SMTN: variants seen among roughly 807,000 people sequenced by gnomAD.
The protein encoded by SMTN is smoothelin.
Under a neutral mutation model 102.0 loss-of-function variants are expected in SMTN, and 58 were observed. The ratio of observed to expected loss-of-function variants is 0.57; its 90% CI spans 0.46 to 0.71. SMTN has a LOEUF of 0.71. Among genes scored for constraint, SMTN ranks in the 30% least tolerant of loss-of-function variants. The pLI, the probability that SMTN is intolerant of heterozygous loss-of-function variation, is 0.00. For synonymous variants in SMTN, 478 were observed against 497.9 expected (o/e 0.96, Z 0.53); for missense variants, 1,185 against 1,241.7 (o/e 0.95, Z 0.69).
Position 31,104,382 on chromosome 22 carries a change from C to G in SMTN, c.*87C>G. 2 of 1,614,158 alleles carry G rather than the reference C, an allele frequency of 1.2e-6. No homozygotes were observed. Among genetic ancestry groups the G allele is most frequent in the Non-Finnish European group, 1.7e-6 (2 of 1,179,998 alleles). On this transcript the variant is annotated 3_prime_UTR_variant, in exon 21 of 21. Coordinates refer to ENST00000333137, the MANE Select transcript of SMTN (RefSeq NM_134269.3). ...TGATGATCATGGGCAAGAAGCCTGA[C>G]CCCAAGTGTGTCTTCACCTATGTGC...
At chr22:31,087,674 T>C (rs2042796754) in intron 2 of SMTN, among the ~76,000 whole-genome samples, 1 of 152,080 alleles carries the variant, frequency 6.6e-6, no homozygotes, top group Non-Finnish European at 1.5e-5. Context: ...GGAATCGAGT[T>C]GTAGAAAGGA....
At chr22:31,082,747 A>G (rs1304898422) in intron 1 of SMTN, 4 of 937,712 alleles carry the variant, frequency 4.3e-6, no homozygotes, top group Non-Finnish European at 6.4e-6. Context: ...CACAGCCAGA[A>G]GCTGAGCCTG....
At chr22:31,083,983 T>C (rs2042485939) in intron 2 of SMTN, among the ~76,000 whole-genome samples, 1 of 152,206 alleles carries the variant, frequency 6.6e-6, no homozygotes, top group African/African-American at 2.4e-5. Context: ...TCAGTTCCTC[T>C]ACCTGTAAAA....
rs59040826 is a variant in SMTN at position 31,073,011 on chromosome 22, C to CTTTTTTTTTTTTT, written c.-385-7430_-385-7418dup. 4.7e-5 allele frequency among the ~76,000 whole-genome samples: 4 copies of CTTTTTTTTTTTTT among 85,684 alleles called. 1 individual carries two copies. Among genetic ancestry groups the CTTTTTTTTTTTTT allele is most frequent in the African/African-American group, 1.5e-4 (3 of 19,598 alleles). 56.2% of individuals were successfully genotyped at this position (85,684 alleles called of 152,430 possible). A position where few individuals can be genotyped will look rare whatever the true frequency, so the allele number is the denominator to read the frequency against. On this transcript the variant is annotated intron_variant, in intron 1 of 3. Transcript: ENST00000422839. ...GCTGAAGTTGATTCTCTCTCTCTCT[C>CTTTTTTTTTTTTT]TTTTTTTTTTTTTTTTTTTTTGAGA...
At chr22:31,068,239 G>A (rs1016442605) in intron 1 of SMTN, 3 of 152,062 alleles carry the variant, frequency 2.0e-5, no homozygotes, top group Admixed American at 6.6e-5. Flanking sequence ...GGGAGGCGGA[G>A]ATTGCAGTCA....
chr22:31,096,125 A>C, intron 13 of SMTN: 1 of 172,470 alleles, frequency 5.8e-6, no homozygotes, highest in Non-Finnish European at 1.2e-5. Flanking sequence ...ACTCTCAATT[A>C]CTCCTCTGAA....
intron 1 of SMTN, among the ~76,000 whole-genome samples, chr22:31,081,795 G>A (rs919475919): frequency 1.3e-5 from 2 of 152,168 alleles, no homozygotes; most frequent in Non-Finnish European, 2.9e-5. Context: ...TAATCCCATG[G>A]GTGTCCTAGA....
At chr22:31,065,317 T>C (rs1052779910) in intron 1 of SMTN, 11 of 152,212 alleles carry the variant, frequency 7.2e-5, no homozygotes, top group Admixed American at 4.6e-4. Flanking sequence ...AATAAGACCA[T>C]GCAAAAATGT....
In SMTN at chr22:31,096,866, T is replaced by G. The variant is rs1431684203; in HGVS notation, c.1995T>G (p.Thr665=). 5.7e-6 allele frequency: 9 copies of G among 1,581,986 alleles called. No homozygotes were observed. The highest frequency in any genetic ancestry group is 7.7e-6 in the Non-Finnish European group (9 of 1,161,452). The change falls in exon 14 of 21, where the codon ACT becomes ACG. Residue 665 remains threonine (T), a synonymous_variant. Coordinates refer to ENST00000333137, the MANE Select transcript of SMTN (RefSeq NM_134269.3). ...CAGCTGATGGCTCTGCTGTCAGCAC[T>G]GTTACCAAGACTGAGCGGCTCGTCC... ...QRAADGSAVS[T]VTKTERLVHS...
intron 1 of SMTN, among the ~76,000 whole-genome samples, chr22:31,069,583 AG>A (rs1241432454): frequency 1.3e-5 from 2 of 152,218 alleles, no homozygotes. Flanking sequence ...GAACGCCTAG[AG>A]GTAGGGACGA....
At chr22:31,074,451 G>A (rs9621178) in intron 1 of SMTN, among the ~76,000 whole-genome samples, 48,119 of 151,740 alleles carry the variant, frequency 0.32, 8,334 homozygotes, top group South Asian at 0.43. Flanking sequence ...ATTGATTTTG[G>A]GCAAATGCCT....
intron 1 of SMTN, among the ~76,000 whole-genome samples, chr22:31,071,573 C>T (rs1201320335): frequency 1.3e-5 from 2 of 151,970 alleles, no homozygotes; most frequent in East Asian, 1.9e-4. Flanking sequence ...GCTGCGATCA[C>T]GCCATTGCAC....
At chr22:31,085,266 C>G (rs1252017184) in intron 2 of SMTN, 119 of 1,512,854 alleles carry the variant, frequency 7.9e-5, no homozygotes, top group Non-Finnish European at 9.8e-5. Context: ...ACCTGGCTAC[C>G]CCTTCGGCGC....
In SMTN at chr22:31,104,548, C is replaced by T; in HGVS notation, c.*253C>T. 6.9e-7 allele frequency: 1 copy of T among 1,440,038 alleles called. No individual in the cohort carries two copies. Among genetic ancestry groups the T allele is most frequent in the Non-Finnish European group, 9.6e-7 (1 of 1,038,552 alleles). The allele number at this position is 1,440,038 out of a possible 1,614,324, so 89.2% of individuals were successfully genotyped here. Reference sequence around the variant, plus strand: ...CGTCTCCTGCCTGTGCGTCCGCCCACCGCTGCCCTGTCTGTTGCGACACCC... The same window carrying T: ...CGTCTCCTGCCTGTGCGTCCGCCCATCGCTGCCCTGTCTGTTGCGACACCC... On this transcript the variant is annotated 3_prime_UTR_variant, in exon 21 of 21. Transcript: ENST00000333137.
intron 11 of SMTN, among the ~76,000 whole-genome samples, chr22:31,094,091 C>G (rs2043368796): frequency 6.6e-6 from 1 of 152,194 alleles, no homozygotes; most frequent in Non-Finnish European, 1.5e-5. Context: ...TGACCCAGGC[C>G]CCAGCCCCCA....
chr22:31,064,499 T>C (rs1230037776), intron 1 of SMTN: 2 of 151,988 alleles, frequency 1.3e-5, no homozygotes, highest in South Asian at 4.2e-4. Context: ...ATTTCATAGG[T>C]TTTTTATTTT....
chr22:31,097,478 CG>C, intron 16 of SMTN, 140 bp downstream of exon 16: 1 of 697,526 alleles, frequency 1.4e-6, no homozygotes, highest in South Asian at 1.6e-5. Context: ...CCGAGGTGGG[CG>C]GATCACTTGA....
chr22:31,075,836 T>G (rs1484203687), intron 1 of SMTN, among the ~76,000 whole-genome samples: 2 of 151,874 alleles, frequency 1.3e-5, no homozygotes, highest in Non-Finnish European at 2.9e-5. Flanking sequence ...TTTTGTTTTG[T>G]TTTTGTTTTT....
Position 31,088,958 on chromosome 22 carries a change from G to C in SMTN, c.460G>C (p.Glu154Gln). Residue 154 changes from glutamate to glutamine, a missense_variant, in exon 6 of 21, where the codon GAA (glutamate) becomes CAA (glutamine). Transcript: ENST00000333137. Reference protein sequence around the residue: ...DSKGLAAHRLEQCEVPEREEQ... With the variant: ...DSKGLAAHRLQQCEVPEREEQ... ...CAAGGGGCTAGCGGCACACAGGCTG[G>C]AACAGTGTGAGGTAAGGAGGGTGGG... The C allele has an allele frequency of 6.2e-7, 1 of 1,613,458 alleles. No homozygotes were observed. The highest frequency in any genetic ancestry group is 8.5e-7 in the Non-Finnish European group (1 of 1,179,824).
Sources: allele counts gnomAD v4.1 joint callset (sites outside exome capture counted in the v4.1 genomes callset), GRCh38; gene constraint gnomAD v4.1.1; transcripts MANE v1.5; gene names NCBI Gene and HGNC (gene_info 2026-07-23, HGNC 2026-07-21).